Variants in SPTBN1 observed in about 807,000 individuals in gnomAD.
SPTBN1 encodes spectrin beta, non-erythrocytic 1, also known as spectrin beta chain, non-erythrocytic 1.
Under a neutral mutation model 266.4 loss-of-function variants are expected in SPTBN1, and 32 were observed. That is an observed-to-expected ratio of 0.12 (90% CI 0.09 to 0.16). The LOEUF is 0.16. Among genes scored for constraint, SPTBN1 ranks in the 10% least tolerant of loss-of-function variants. SPTBN1 has a pLI of 1.00. For synonymous variants in SPTBN1, 1,336 were observed against 1,162.2 expected, an observed-to-expected ratio of 1.15 and a Z score of -3.04; for missense variants, 2,296 against 3,067.1, an observed-to-expected ratio of 0.75 and a Z score of 5.94.
intron 1 of SPTBN1, among the ~76,000 whole-genome samples, chr2:54,521,966 T>C (rs544926758): frequency 2.6e-4 from 39 of 152,222 alleles, no homozygotes; most frequent in African/African-American, 9.2e-4. Context: ...GGCACAGTTA[T>C]GGTTCACTGC....
chr2:54,548,857 G>A (rs1573389100), intron 2 of SPTBN1, among the ~76,000 whole-genome samples: 1 of 152,272 alleles, frequency 6.6e-6, no homozygotes, highest in South Asian at 2.1e-4. Context: ...GTGTTACCTA[G>A]GCTGGCATAG....
At chr2:54,607,909 A>C (rs1259788489) in intron 3 of SPTBN1, among the ~76,000 whole-genome samples, 1 of 152,170 alleles carries the variant, frequency 6.6e-6, no homozygotes, top group Admixed American at 6.5e-5. Context: ...TAATAATCTG[A>C]GACTGGACAG....
At chr2:54,456,701 C>T (rs1693050326) in intron 1 of SPTBN1, among the ~76,000 whole-genome samples, 183 bp downstream of exon 1, 1 of 150,742 alleles carries the variant, frequency 6.6e-6, no homozygotes, top group Non-Finnish European at 1.5e-5. Flanking sequence ...CGGGCGGGGG[C>T]GGCGCGGGGA....
chr2:54,569,262 G>A (rs755015274), intron 2 of SPTBN1, among the ~76,000 whole-genome samples: 7 of 152,194 alleles, frequency 4.6e-5, no homozygotes, highest in Non-Finnish European at 2.9e-5. Flanking sequence ...CCAGTTGAAA[G>A]CAGCAGTACT....
rs543631764 is a variant in SPTBN1, at chr2:54,550,688, T to A, written c.148+24122T>A. Among the ~76,000 whole-genome samples the A allele has an allele frequency of 2.6e-5, 4 of 151,736 alleles. No homozygotes were observed. The East Asian group carries it at 7.7e-4, about 29-fold the overall frequency. ...TTGCTTAATTTAGAATGGTACTTAC[T>A]GTAACTATCAATAGCTGTTACTGTC... On this transcript the variant is annotated intron_variant, in intron 2 of 35. Coordinates refer to ENST00000356805, the MANE Select transcript of SPTBN1 (RefSeq NM_003128.3).
intron 2 of SPTBN1, among the ~76,000 whole-genome samples, chr2:54,550,381 G>A (rs1327756739): frequency 6.6e-6 from 1 of 152,150 alleles, no homozygotes; most frequent in Non-Finnish European, 1.5e-5. Flanking sequence ...AGAAATGACT[G>A]CACCCTTAAA....
intron 1 of SPTBN1, among the ~76,000 whole-genome samples, chr2:54,519,284 C>T (rs960151791): frequency 3.3e-5 from 5 of 152,202 alleles, no homozygotes; most frequent in Admixed American, 2.0e-4. Context: ...CTCAAGAGGC[C>T]ATGGCTTATT....
chr2:54,615,650 C>A (rs986248450), intron 4 of SPTBN1, among the ~76,000 whole-genome samples: 1 of 152,196 alleles, frequency 6.6e-6, no homozygotes, highest in African/African-American at 2.4e-5. Flanking sequence ...CCTGGATTCA[C>A]ATCCAGGCAG....
At chr2:54,644,623 C>A in intron 20 of SPTBN1, 37 bp downstream of exon 20, 1 of 1,575,406 alleles carries the variant, frequency 6.3e-7, no homozygotes. Flanking sequence ...GGGTGTATTT[C>A]TGTTTTACAG....
At chr2:54,580,736 G>C (rs1428839588) in intron 2 of SPTBN1, among the ~76,000 whole-genome samples, 1 of 152,036 alleles carries the variant, frequency 6.6e-6, no homozygotes, top group Non-Finnish European at 1.5e-5. Flanking sequence ...CAGGCCTGGG[G>C]GAGCCAATAT....
intron 16 of SPTBN1, 28 bp from the exon 17 acceptor site, chr2:54,632,538 C>G: frequency 1.2e-6 from 2 of 1,609,352 alleles, no homozygotes. Context: ...CATTGATCTG[C>G]TATGATTTGT....
intron 18 of SPTBN1, 101 bp downstream of exon 18, chr2:54,637,904 C>G: frequency 9.8e-7 from 1 of 1,019,044 alleles, no homozygotes. Flanking sequence ...TTAATGAAAC[C>G]AGAAATCCAT....
rs2271323 is a variant in SPTBN1 at position 54,644,382 on chromosome 2, C to T, written c.4065C>T (p.Leu1355=). The change falls in exon 20 of 36, where the codon CTC becomes CTT. Residue 1355 remains leucine, a synonymous_variant. Transcript: ENST00000356805. ...PETEAVVKEK[L]TGLHKMWEVL... The stretch of plus-strand genomic sequence containing the variant: ...CGGAAGCTGTGGTGAAGGAGAAACT[C>T]ACTGGTTTACATAAAATGTGGGAAG... 0.014 allele frequency: 21,991 copies of T among 1,614,152 alleles called. 381 individuals carry two copies. The highest frequency in any genetic ancestry group is 0.063 in the South Asian group (5,743 of 91,084).
rs140912805 is a variant in SPTBN1 at position 54,644,499 on chromosome 2, A to G, written c.4182A>G (p.Lys1394=). Residue 1394 remains lysine (K), a synonymous_variant, in exon 20 of 36, where the codon AAA becomes AAG. Transcript: ENST00000356805. ...LFTQSCADLD[K]WLHGLESQIQ... is the part of the protein sequence containing the mutation. Reference sequence around the variant, plus strand: ...CCCAGAGCTGTGCAGATCTAGACAAATGGCTGCACGGCCTGGAGAGTCAGA... The same window carrying G: ...CCCAGAGCTGTGCAGATCTAGACAAGTGGCTGCACGGCCTGGAGAGTCAGA... 1.1e-5 allele frequency: 17 copies of G among 1,614,098 alleles called. No individual in the cohort carries two copies. In the African/African-American group the frequency reaches 2.3e-4, roughly 22 times the overall value.
chr2:54,638,908 A>G (rs1044627549), intron 18 of SPTBN1, among the ~76,000 whole-genome samples: 1 of 152,254 alleles, frequency 6.6e-6, no homozygotes, highest in African/African-American at 2.4e-5. Context: ...GCGTTAGATC[A>G]CGTATGACAG....
intron 32 of SPTBN1, chr2:54,662,897 C>T (rs1681148544): frequency 6.6e-6 from 1 of 152,194 alleles, no homozygotes. Context: ...ACACACACCC[C>T]CACAAGTCTT....
In SPTBN1 at chr2:54,509,516, A is replaced by C. The variant is rs1009539010; in HGVS notation, c.-47-16856A>C. Among the ~76,000 whole-genome samples, 8 of 152,280 alleles carry C rather than the reference A, an allele frequency of 5.3e-5. 1 individual carries two copies. The highest frequency in any genetic ancestry group is 7.3e-5 in the Non-Finnish European group (5 of 68,046). ...GCTGCTGCACGGGGACATGATGGCC[A>C]GCCTAAAACAGTAAGGTCAAGTTGT... is the stretch of plus-strand genomic sequence containing the variant. On this transcript the variant is annotated intron_variant, in intron 1 of 35. Transcript: ENST00000356805.
In SPTBN1 at chr2:54,522,621, A is replaced by G. The variant is rs544962491; in HGVS notation, c.-47-3751A>G. On this transcript the variant is annotated intron_variant, in intron 1 of 35. Transcript: ENST00000356805. Reference sequence around the variant, plus strand: ...ACTCCAGCCTGGGTGACAGAGCGAGACTCTGTCTCAAAAAGAAAGAAAGAA... The same window carrying G: ...ACTCCAGCCTGGGTGACAGAGCGAGGCTCTGTCTCAAAAAGAAAGAAAGAA... Among the ~76,000 whole-genome samples, 4 of 134,442 alleles carry G rather than the reference A, an allele frequency of 3.0e-5. No homozygotes were observed. The East Asian group carries it at 8.7e-4, about 29-fold the overall frequency. The allele number at this position is 134,442 out of a possible 152,430, so 88.2% of individuals were successfully genotyped here. A position where few individuals can be genotyped will look rare whatever the true frequency, so the allele number is the denominator to read the frequency against.
chr2:54,597,662 C>T (rs1300820833), intron 2 of SPTBN1, among the ~76,000 whole-genome samples: 2 of 152,152 alleles, frequency 1.3e-5, no homozygotes, highest in East Asian at 3.9e-4. Context: ...CTCATTCCCT[C>T]CCTGTGGTGG....
Sources: gnomAD v4.1 joint callset for allele counts (sites outside exome capture counted in the v4.1 genomes callset) on GRCh38, gnomAD v4.1.1 for gene constraint, MANE v1.5 for transcripts, NCBI Gene and HGNC (gene_info 2026-07-23, HGNC 2026-07-21) for gene names.